SCHIP1: variants seen among roughly 807,000 people sequenced by gnomAD.
SCHIP1 encodes the protein schwannomin-interacting protein 1.
In SCHIP1, 8 loss-of-function variants were observed where a neutral mutation model predicts 29.7. The ratio of observed to expected loss-of-function variants is 0.27; its 90% CI spans 0.16 to 0.49. The LOEUF is 0.49. Among genes scored for constraint, SCHIP1 ranks in the 20% least tolerant of loss-of-function variants. SCHIP1 has a pLI of 0.99. For missense variants in SCHIP1, 193 were observed against 294.6 expected, an observed-to-expected ratio of 0.66 and a Z score of 2.52; for synonymous variants, 76 against 94.9, an observed-to-expected ratio of 0.80 and a Z score of 1.16.
chr3:159,452,638 T>C, the SCHIP1 span, among the ~76,000 whole-genome samples: 1 of 152,224 alleles, frequency 6.6e-6, no homozygotes, highest in Non-Finnish European at 1.5e-5. Flanking sequence ...TATAGTAGAA[T>C]GGTTTATAAT....
chr3:159,352,971 G>C, the SCHIP1 span, among the ~76,000 whole-genome samples: 1 of 152,222 alleles, frequency 6.6e-6, no homozygotes, highest in South Asian at 2.1e-4. Context: ...TGATGCGTTT[G>C]GGGGACAGCA....
At chr3:159,283,720 AGAATTTTTTTAGTG>A in the SCHIP1 span, among the ~76,000 whole-genome samples, 1 of 152,194 alleles carries the variant, frequency 6.6e-6, no homozygotes, top group Non-Finnish European at 1.5e-5. Flanking sequence ...ATAGTACTTC[AGAATTTTTTTAGTG>A]GATTCTTTCG....
chr3:159,335,564 A>G, the SCHIP1 span, among the ~76,000 whole-genome samples: 1 of 151,974 alleles, frequency 6.6e-6, no homozygotes, highest in Non-Finnish European at 1.5e-5. Flanking sequence ...TCATTGTTCA[A>G]TTTCCACCTA....
At chr3:159,757,694 G>A in the SCHIP1 span, among the ~76,000 whole-genome samples, 1 of 152,156 alleles carries the variant, frequency 6.6e-6, no homozygotes, top group Non-Finnish European at 1.5e-5. Context: ...CTTTCGTGAG[G>A]AAGCCAGTGG....
chr3:159,674,429 C>T, the SCHIP1 span, among the ~76,000 whole-genome samples: 5 of 152,008 alleles, frequency 3.3e-5, no homozygotes, highest in Admixed American at 3.3e-4. Flanking sequence ...AGGGGCCTAA[C>T]TTCCAGTGTC....
intron 2 of SCHIP1, among the ~76,000 whole-genome samples, chr3:159,869,850 T>A (rs1715059583): frequency 6.6e-6 from 1 of 151,934 alleles, no homozygotes; most frequent in South Asian, 2.1e-4. Flanking sequence ...GTCTCCCCCT[T>A]ATTTAGATCT....
chr3:159,623,646 G>C, the SCHIP1 span, among the ~76,000 whole-genome samples: 3 of 152,048 alleles, frequency 2.0e-5, no homozygotes, highest in African/African-American at 4.8e-5. Context: ...AATAAACAAA[G>C]AGTTTTCCAC....
chr3:159,448,296 C>A, the SCHIP1 span, among the ~76,000 whole-genome samples: 4 of 152,032 alleles, frequency 2.6e-5, no homozygotes, highest in African/African-American at 4.8e-5. Flanking sequence ...CATAGTGAAA[C>A]CCTGTCTCTA....
the SCHIP1 span, among the ~76,000 whole-genome samples, chr3:159,289,774 C>T: frequency 1.3e-5 from 2 of 152,166 alleles, no homozygotes; most frequent in Non-Finnish European, 2.9e-5. Flanking sequence ...ATCAGAGAAT[C>T]CACCAGATGC....
the SCHIP1 span, among the ~76,000 whole-genome samples, chr3:159,637,263 AC>A: frequency 2.0e-5 from 3 of 152,298 alleles, no homozygotes; most frequent in South Asian, 2.1e-4. Context: ...GACATAAAAA[AC>A]AATCTGTCAT....
At chr3:159,375,183 G>C in the SCHIP1 span, among the ~76,000 whole-genome samples, 1 of 152,156 alleles carries the variant, frequency 6.6e-6, no homozygotes, top group African/African-American at 2.4e-5. Context: ...TCACATTTTA[G>C]TCAGATCAAT....
chr3:159,446,502 C>T, the SCHIP1 span, among the ~76,000 whole-genome samples: 1 of 151,992 alleles, frequency 6.6e-6, no homozygotes, highest in Admixed American at 6.6e-5. Context: ...TGCATTACAG[C>T]AATACAGTAT....
At chr3:159,858,235 C>T (rs1425734674) in intron 1 of SCHIP1, among the ~76,000 whole-genome samples, 1 of 152,190 alleles carries the variant, frequency 6.6e-6, no homozygotes, top group Non-Finnish European at 1.5e-5. Flanking sequence ...GTAGAATGAG[C>T]TCAGGTTCGT....
At chr3:159,362,029 G>A in the SCHIP1 span, among the ~76,000 whole-genome samples, 1 of 152,114 alleles carries the variant, frequency 6.6e-6, no homozygotes, top group Non-Finnish European at 1.5e-5. Flanking sequence ...GTATATAGTT[G>A]GTGAAGTCAT....
At chr3:159,881,435 G>T (rs550405546) in intron 2 of SCHIP1, among the ~76,000 whole-genome samples, 1 of 152,174 alleles carries the variant, frequency 6.6e-6, no homozygotes, top group Non-Finnish European at 1.5e-5. Context: ...AATGGCTCTC[G>T]AGCCACACTG....
chr3:159,560,204 C>G, the SCHIP1 span, among the ~76,000 whole-genome samples: 3 of 152,112 alleles, frequency 2.0e-5, no homozygotes, highest in East Asian at 5.8e-4. Context: ...ATATTAATAT[C>G]CTAGAAAAAA....
At chr3:159,332,179 A>C in the SCHIP1 span, among the ~76,000 whole-genome samples, 156 of 152,318 alleles carry the variant, frequency 1.0e-3, 3 homozygotes, top group South Asian at 0.024. Flanking sequence ...CTCTATATTA[A>C]TGTCAAATTT....
At chr3:159,554,317 T>C in the SCHIP1 span, among the ~76,000 whole-genome samples, 1 of 152,148 alleles carries the variant, frequency 6.6e-6, no homozygotes. Flanking sequence ...AATATATGTA[T>C]GCATGGAAGA....
the SCHIP1 span, among the ~76,000 whole-genome samples, chr3:159,506,844 G>C: frequency 1.3e-5 from 2 of 152,168 alleles, no homozygotes; most frequent in Non-Finnish European, 2.9e-5. Context: ...TTTGGTACCA[G>C]TACCATGCTG....
Sources: gnomAD v4.1 joint callset for allele counts (sites outside exome capture counted in the v4.1 genomes callset) on GRCh38, gnomAD v4.1.1 for gene constraint, MANE v1.5 for transcripts, NCBI Gene and HGNC (gene_info 2026-07-23, HGNC 2026-07-21) for gene names.